PSG2: variants seen among roughly 807,000 people sequenced by gnomAD.
PSG2 encodes pregnancy specific beta-1-glycoprotein 2.
Under a neutral mutation model 36.2 loss-of-function variants are expected in PSG2, and 49 were observed. The observed-to-expected ratio is 1.35, with a 90% CI of 1.08 to 1.72. The LOEUF is 1.72. Ranked by LOEUF, PSG2 falls within the 40% of genes most tolerant of loss-of-function variation. The probability of loss-of-function intolerance (pLI) is 0.00; values close to 1 mark genes in which losing one functional copy is unlikely to be tolerated. For missense variants in PSG2, 605 were observed against 407.2 expected (o/e 1.49, Z -4.18); for synonymous variants, 261 against 155.6 (o/e 1.68, Z -5.04).
In PSG2 at chr19:43,077,479, C is replaced by G. The variant is rs1967913372; in HGVS notation, c.431-1847G>C. ...TGCTTTCTTCATTTTCTCTTAAGCT[C>G]AGGAAACACCACTAGAGTTTAAGTT... On this transcript the variant is annotated intron_variant, in intron 2 of 5. Coordinates refer to ENST00000406487, the MANE Select transcript of PSG2 (RefSeq NM_031246.4). Among the ~76,000 whole-genome samples the G allele has an allele frequency of 2.0e-5, 3 of 151,732 alleles. 1 individual carries two copies. The South Asian group carries it at 6.2e-4, about 32-fold the overall frequency.
intron 3 of PSG2, chr19:43,072,630 C>A: frequency 6.2e-7 from 1 of 1,611,368 alleles, no homozygotes; most frequent in Non-Finnish European, 8.5e-7. Flanking sequence ...GGCAGCTTCG[C>A]TGTGTGGATA....
chr19:43,080,764 G>T, intron 2 of PSG2, 117 bp downstream of exon 2: 1 of 1,590,716 alleles, frequency 6.3e-7, no homozygotes, highest in Non-Finnish European at 8.6e-7. Flanking sequence ...CCAAACCCCA[G>T]CATGGGACAT....
intron 5 of PSG2, chr19:43,065,481 C>G (rs563409551): frequency 1.3e-5 from 2 of 151,722 alleles, no homozygotes; most frequent in African/African-American, 4.9e-5. Context: ...TTACCAGTGC[C>G]TGGGTCCCTC....
At chr19:43,071,660 A>G in intron 4 of PSG2, 40 bp downstream of exon 4, 19 of 1,612,546 alleles carry the variant, frequency 1.2e-5, no homozygotes, top group Non-Finnish European at 1.5e-5. Flanking sequence ...GATAGACTCC[A>G]CCTAAAACCC....
At chr19:43,070,964 C>T (rs1032047482) in intron 4 of PSG2, among the ~76,000 whole-genome samples, 8 of 151,712 alleles carry the variant, frequency 5.3e-5, no homozygotes, top group African/African-American at 1.9e-4. Flanking sequence ...AGTCACAGTC[C>T]TCCATGCTGT....
chr19:43,075,780 C>T lies in PSG2; in HGVS notation c.431-148G>A, dbSNP rs1007715010. 3.6e-5 allele frequency: 53 copies of T among 1,463,728 alleles called. No homozygotes were observed. The South Asian group carries it at 6.7e-4, about 18-fold the overall frequency. 90.7% of individuals were successfully genotyped at this position (1,463,728 alleles called of 1,614,324 possible). ...AGGTGTGTGTGTTACAAGACAGATGCATGGCAATCTGAGGGCTCAGTGATT... is the reference window on the plus strand; with the variant it reads ...AGGTGTGTGTGTTACAAGACAGATGTATGGCAATCTGAGGGCTCAGTGATT... On this transcript the variant is annotated intron_variant, in intron 2 of 5. Transcript: ENST00000406487.
intron 4 of PSG2, 99 bp from the exon 5 acceptor site, chr19:43,066,699 T>A: frequency 2.1e-6 from 3 of 1,411,062 alleles, no homozygotes; most frequent in Non-Finnish European, 3.0e-6. Flanking sequence ...TCTATAATTG[T>A]TTCTTCAAGG....
intron 3 of PSG2, 148 bp from the exon 4 acceptor site, chr19:43,072,102 G>C (rs1967827404): frequency 2.9e-6 from 4 of 1,384,892 alleles, no homozygotes; most frequent in Admixed American, 2.3e-5. Flanking sequence ...GCCGAACCCT[G>C]AAGTATTCAC....
intron 3 of PSG2, among the ~76,000 whole-genome samples, chr19:43,072,801 C>T (rs1967838389): frequency 6.6e-6 from 1 of 151,788 alleles, no homozygotes; most frequent in South Asian, 2.1e-4. Context: ...GGCTCAAAGA[C>T]TGTGAGGCCG....
At chr19:43,074,154 A>T (rs112869984) in intron 3 of PSG2, among the ~76,000 whole-genome samples, 5 of 151,550 alleles carry the variant, frequency 3.3e-5, no homozygotes, top group African/African-American at 1.2e-4. Flanking sequence ...CATCTTTTTC[A>T]CAGTGTTTCT....
rs894043214 is a variant in PSG2 at position 43,074,608 on chromosome 19, C to T, written c.709+746G>A. ...TCCCTGTCCTGGGGTTTTGATTTTCCCTCTCCCTTTGCAGAGGGCAGGTGG... is the reference window on the plus strand; with the variant it reads ...TCCCTGTCCTGGGGTTTTGATTTTCTCTCTCCCTTTGCAGAGGGCAGGTGG... On this transcript the variant is annotated intron_variant, in intron 3 of 5. Transcript: ENST00000406487. Among the ~76,000 whole-genome samples the T allele has an allele frequency of 7.3e-5, 11 of 151,574 alleles. 1 individual carries two copies. The highest frequency in any genetic ancestry group is 6.8e-3 in the Middle Eastern group (2 of 294).
chr19:43,066,820 T>C (rs1419686272), intron 4 of PSG2, among the ~76,000 whole-genome samples: 1 of 151,434 alleles, frequency 6.6e-6, no homozygotes, highest in African/African-American at 2.4e-5. Context: ...AATTCTCTAC[T>C]GCACTCAGAT....
chr19:43,077,504 T>G (rs887345199), intron 2 of PSG2, among the ~76,000 whole-genome samples: 1 of 151,714 alleles, frequency 6.6e-6, no homozygotes, highest in African/African-American at 2.4e-5. Flanking sequence ...GAGTTTAAGT[T>G]TGTGTGAAAT....
Position 43,082,540 on chromosome 19 carries a change from T to A in PSG2, c.30A>T (p.Thr10=), listed in dbSNP as rs1322539126. ...GGAGCCCCTTCCATTTGATGTGCTC[T>A]GTGCAGGGAGGGGCTGAGAGGGGCC... MGPLSAPPC[T]EHIKWKGLLV... The change falls in exon 1 of 6, where the codon ACA becomes ACT. Residue 10 remains threonine, a synonymous_variant. Transcript: ENST00000406487. The A allele has an allele frequency of 1.2e-6, 2 of 1,612,228 alleles. No individual in the cohort carries two copies. Among genetic ancestry groups the A allele is most frequent in the Admixed American group, 3.3e-5 (2 of 59,922 alleles).
At chr19:43,065,197 T>G (rs1220061588) in intron 5 of PSG2, among the ~76,000 whole-genome samples, 2 of 151,658 alleles carry the variant, frequency 1.3e-5, no homozygotes, top group East Asian at 3.8e-4. Context: ...GCATCACTTA[T>G]CCCTTATTTG....
intron 4 of PSG2, among the ~76,000 whole-genome samples, chr19:43,071,045 C>T (rs1374420159): frequency 1.3e-5 from 2 of 151,558 alleles, no homozygotes; most frequent in Non-Finnish European, 2.9e-5. Flanking sequence ...TAGGAGTCTG[C>T]CCTGAGGCTC....
At chr19:43,064,687 T>G (rs1967716089) in intron 5 of PSG2, 86 bp from the exon 6 acceptor site, 2 of 483,388 alleles carry the variant, frequency 4.1e-6, no homozygotes, top group South Asian at 2.3e-5. Flanking sequence ...TGACAGAGAT[T>G]TAAACTGACT....
At chr19:43,080,855 C>G (rs565978585) in intron 2 of PSG2, 26 bp downstream of exon 2, 1 of 1,611,888 alleles carries the variant, frequency 6.2e-7, no homozygotes, top group Admixed American at 1.7e-5. Flanking sequence ...TCCCCCAACA[C>G]CCAGGGATCA....
At position 43,075,493 on chromosome 19, in the gene PSG2, A is replaced by T; in HGVS notation, c.570T>A (p.Thr190=). The part of the protein sequence containing the change: ...WWMNGQSLPM[T]HRFQLSETNR... ...TGGTTTCGGACAGCTGAAACCTATG[A>T]GTCATAGGGAGGCTCTGACCATTCA... Residue 190 remains threonine (T), a synonymous_variant, in exon 3 of 6, where the codon ACT becomes ACA. Transcript: ENST00000406487. 6.2e-7 allele frequency: 1 copy of T among 1,613,162 alleles called. No homozygotes were observed. The highest frequency in any genetic ancestry group is 1.1e-5 in the South Asian group (1 of 91,052).
Sources: gnomAD v4.1 joint callset for allele counts (sites outside exome capture counted in the v4.1 genomes callset) on GRCh38, gnomAD v4.1.1 for gene constraint, MANE v1.5 for transcripts, NCBI Gene and HGNC (gene_info 2026-07-23, HGNC 2026-07-21) for gene names.